OBSL1: variants seen among roughly 807,000 people sequenced by gnomAD.
OBSL1 encodes obscurin-like protein 1.
In OBSL1, 160 loss-of-function variants were observed where a neutral mutation model predicts 172.0. The observed-to-expected ratio is 0.93, with a 90% CI of 0.82 to 1.06. The LOEUF (loss-of-function observed/expected upper bound fraction) is 1.06. OBSL1 is among the 50% of genes least tolerant of loss of function. OBSL1 has a pLI of 0.00. For missense variants in OBSL1, 2,681 were observed against 2,715.4 expected (o/e 0.99, Z 0.28); for synonymous variants, 1,200 against 1,196.3 (o/e 1.00, Z -0.06).
chr2:219,554,731 A>C lies in OBSL1; in HGVS notation c.4619T>G (p.Leu1540Arg), dbSNP rs746157169. Reference sequence around the variant, plus strand: ...GTCCTCCAGAGGCCGCAGCACCCTCAGCTGCCTCGCTGGCCGGGGGAGATG... The same window carrying C: ...GTCCTCCAGAGGCCGCAGCACCCTCCGCTGCCTCGCTGGCCGGGGGAGATG... ...LARLSVRPRQLRVLRPLEDVT... is the reference protein window; with the variant it reads ...LARLSVRPRQRRVLRPLEDVT... Residue 1540 changes from leucine (L) to arginine (R), a missense_variant, in exon 15 of 21, where the codon CTG becomes CGG. Around this residue, in one of 5 missense-constraint regions of OBSL1, gnomAD observed 1,765 missense variants for 1,748.3 expected, o/e 1.01. Coordinates refer to ENST00000404537, the MANE Select transcript of OBSL1 (RefSeq NM_015311.3). The C allele has an allele frequency of 6.4e-7, 1 of 1,552,376 alleles. No homozygotes were observed. Among genetic ancestry groups the C allele is most frequent in the South Asian group, 1.2e-5 (1 of 84,714 alleles).
Position 219,562,378 on chromosome 2 carries a change from C to T in OBSL1, c.2953+24G>A, listed in dbSNP as rs868420814. On this transcript the variant is annotated intron_variant, in intron 8 of 20. Coordinates refer to ENST00000404537, the MANE Select transcript of OBSL1 (RefSeq NM_015311.3). Reference sequence around the variant, plus strand: ...GGGCTCAGGGCTGTCTCTGTGACCCCGGGGAGCTGGGCTGGGCCCACACCT... The same window carrying T: ...GGGCTCAGGGCTGTCTCTGTGACCCTGGGGAGCTGGGCTGGGCCCACACCT... 47 of 1,607,182 alleles carry T rather than the reference C, an allele frequency of 2.9e-5. No homozygotes were observed. The Middle Eastern group carries it at 5.0e-4, about 17-fold the overall frequency.
At chr2:219,562,987 G>A (rs879346369) in intron 7 of OBSL1, 4 of 486,472 alleles carry the variant, frequency 8.2e-6, no homozygotes, top group Non-Finnish European at 1.5e-5. Flanking sequence ...GATGAGAGGA[G>A]GGTTGGGGGG....
At chr2:219,566,807 C>A in intron 5 of OBSL1, 23 bp downstream of exon 5, 1 of 1,547,130 alleles carries the variant, frequency 6.5e-7, no homozygotes, top group South Asian at 1.2e-5. Context: ...TTTCTGCCCA[C>A]TCAGGTCCCC....
chr2:219,552,531 C>G lies in OBSL1; in HGVS notation c.5308+5G>C. Reference sequence around the variant, plus strand: ...GGGCCCGAAAGGGTAACCAGGCGGGCAGACCTTCCTGTCGGATGCGGACGC... The same window carrying G: ...GGGCCCGAAAGGGTAACCAGGCGGGGAGACCTTCCTGTCGGATGCGGACGC... On this transcript the variant is annotated splice_donor_5th_base_variant and intron_variant, in intron 18 of 20. Transcript: ENST00000404537. The G allele has an allele frequency of 6.3e-7, 1 of 1,594,822 alleles. No individual in the cohort carries two copies. Among genetic ancestry groups the G allele is most frequent in the Non-Finnish European group, 8.5e-7 (1 of 1,177,110 alleles).
chr2:219,566,920 T>A lies in OBSL1; in HGVS notation c.2044A>T (p.Ile682Phe). 1 of 1,612,832 alleles carries A rather than the reference T, an allele frequency of 6.2e-7. No homozygotes were observed. Among genetic ancestry groups the A allele is most frequent in the Non-Finnish European group, 8.5e-7 (1 of 1,179,022 alleles). Residue 682 changes from isoleucine (I) to phenylalanine (F), a missense_variant, in exon 5 of 21, where the codon ATC (isoleucine) becomes TTC (phenylalanine). Physicochemically the swap from Ile to Phe is conservative, Grantham distance 21. This residue lies in a region of OBSL1 where 1,765 missense variants were observed against 1,748.3 expected (regional missense o/e 1.01). Transcript: ENST00000404537. Reference sequence around the variant, plus strand: ...TCCTGGTGCTTGACGGCATGCAGGATGAGTCTGTGCTGCAGACCCTTCTGC... The same window carrying A: ...TCCTGGTGCTTGACGGCATGCAGGAAGAGTCTGTGCTGCAGACCCTTCTGC... ...IEQKGLQHRLILHAVKHQDSG... is the reference protein window; with the variant it reads ...IEQKGLQHRLFLHAVKHQDSG...
In OBSL1 at chr2:219,570,521, C is replaced by T; in HGVS notation, c.712G>A (p.Asp238Asn). ...QPPESPPADPDEAPAPVVEPL... is the reference protein window; with the variant it reads ...QPPESPPADPNEAPAPVVEPL... The stretch of plus-strand genomic sequence containing the variant: ...TCCACCACCGGCGCGGGGGCCTCGT[C>T]GGGGTCCGCGGGCGGGCTCTCGGGG... The change falls in exon 1 of 21, where the codon GAC becomes AAC. Residue 238 changes from aspartate (D) to asparagine (N), a missense_variant. Around this residue, in one of 5 missense-constraint regions of OBSL1, gnomAD observed 706 missense variants for 695.8 expected, o/e 1.01. Coordinates refer to ENST00000404537, the MANE Select transcript of OBSL1 (RefSeq NM_015311.3). The T allele has an allele frequency of 6.2e-7, 1 of 1,609,792 alleles. No individual in the cohort carries two copies. The highest frequency in any genetic ancestry group is 8.5e-7 in the Non-Finnish European group (1 of 1,178,552).
chr2:219,571,092 C>A lies in OBSL1; in HGVS notation c.141G>T (p.Lys47Asn). ...GEPPPVVVWE[K>N]GGQQLAASER... is the part of the protein sequence containing the mutation. ...CCGAGGCCGCCAGCTGCTGCCCGCC[C>A]TTCTCCCACACCACTACAGGCGGCG... Residue 47 changes from lysine (K) to asparagine (N), a missense_variant, in exon 1 of 21, where the codon AAG (lysine) becomes AAT (asparagine). Coordinates refer to ENST00000404537, the MANE Select transcript of OBSL1 (RefSeq NM_015311.3). 6.8e-7 allele frequency: 1 copy of A among 1,470,152 alleles called. No homozygotes were observed. The highest frequency in any genetic ancestry group is 1.3e-5 in the South Asian group (1 of 77,198). 91.1% of individuals were successfully genotyped at this position (1,470,152 alleles called of 1,614,324 possible). A position where few individuals can be genotyped will look rare whatever the true frequency, so the allele number is the denominator to read the frequency against.
chr2:219,556,429 T>C (rs761108335), intron 13 of OBSL1, 25 bp downstream of exon 13: 1 of 1,612,106 alleles, frequency 6.2e-7, no homozygotes. Flanking sequence ...GGACACAGAG[T>C]ATCTCATCCT....
intron 6 of OBSL1, among the ~76,000 whole-genome samples, chr2:219,564,961 G>T (rs11692887): frequency 6.6e-6 from 1 of 152,052 alleles, no homozygotes; most frequent in East Asian, 1.9e-4. Context: ...CAGCTACTTG[G>T]GAGGCTGAGG....
At chr2:219,554,887 A>G in intron 14 of OBSL1, 147 bp from the exon 15 acceptor site, 1 of 812,756 alleles carries the variant, frequency 1.2e-6, no homozygotes, top group Non-Finnish European at 1.9e-6. Context: ...GGGTGCAGGA[A>G]GAAAGGAGCA....
chr2:219,551,252 C>T, intron 20 of OBSL1: 1 of 1,396,594 alleles, frequency 7.2e-7, no homozygotes. Flanking sequence ...TCAAGAGAGA[C>T]AAACATGGTC....
chr2:219,553,334 C>T (rs1408727755), intron 16 of OBSL1, among the ~76,000 whole-genome samples: 1 of 152,206 alleles, frequency 6.6e-6, no homozygotes, highest in Non-Finnish European at 1.5e-5. Flanking sequence ...CGAATATGGG[C>T]TCTACCTGTT....
rs944863064 is a variant in OBSL1 at position 219,568,143 on chromosome 2, G to C, written c.1194C>G (p.Ile398Met). The change falls in exon 2 of 21, where the codon ATC becomes ATG. Residue 398 changes from isoleucine to methionine, a missense_variant. This residue lies in a region of OBSL1 where 706 missense variants were observed against 695.8 expected (regional missense o/e 1.01). Coordinates refer to ENST00000404537, the MANE Select transcript of OBSL1 (RefSeq NM_015311.3). The surrounding 1 kb of genome is among the most constrained non-coding windows in gnomAD (Gnocchi z 4.1). ...QIEEGTVRRL[I>M]IHRLKADDDG... Reference sequence around the variant, plus strand: ...CATCGTCTGCCTTCAGCCTGTGGATGATGAGGCGCCGGACAGTGCCCTCTT... The same window carrying C: ...CATCGTCTGCCTTCAGCCTGTGGATCATGAGGCGCCGGACAGTGCCCTCTT... 4 of 1,613,846 alleles carry C rather than the reference G, an allele frequency of 2.5e-6. No individual in the cohort carries two copies. Among genetic ancestry groups the C allele is most frequent in the South Asian group, 2.2e-5 (2 of 91,090 alleles).
Position 219,565,348 on chromosome 2 carries a change from A to G in OBSL1, c.2301T>C (p.Asp767=), listed in dbSNP as rs541408273. Residue 767 remains aspartate (D), a synonymous_variant, in exon 6 of 21, where the codon GAT becomes GAC. Coordinates refer to ENST00000404537, the MANE Select transcript of OBSL1 (RefSeq NM_015311.3). Reference sequence around the variant, plus strand: ...GCAGGATCAGACGGTGTTTGCGCCCATCCATCTTCACCACCAGCAACTCGC... The same window carrying G: ...GCAGGATCAGACGGTGTTTGCGCCCGTCCATCTTCACCACCAGCAACTCGC... ...EESELLVVKM[D]GRKHRLILPE... The G allele has an allele frequency of 1.9e-6, 3 of 1,614,004 alleles. No homozygotes were observed. The African/African-American group carries it at 4.0e-5, about 22-fold the overall frequency.
chr2:219,566,777 G>A, intron 5 of OBSL1, 53 bp downstream of exon 5: 1 of 1,496,522 alleles, frequency 6.7e-7, no homozygotes, highest in Non-Finnish European at 9.0e-7. Context: ...TTTGCCAACA[G>A]GACTTCTGTG....
chr2:219,552,524 A>C lies in OBSL1; in HGVS notation c.5308+12T>G, dbSNP rs377219196. 1.4e-4 allele frequency: 219 copies of C among 1,592,818 alleles called. 1 individual carries two copies. In the East Asian group the frequency reaches 3.3e-3, roughly 24 times the overall value. Reference sequence around the variant, plus strand: ...CAGCGAGGGGCCCGAAAGGGTAACCAGGCGGGCAGACCTTCCTGTCGGATG... The same window carrying C: ...CAGCGAGGGGCCCGAAAGGGTAACCCGGCGGGCAGACCTTCCTGTCGGATG... On this transcript the variant is annotated intron_variant, in intron 18 of 20. Coordinates refer to ENST00000404537, the MANE Select transcript of OBSL1 (RefSeq NM_015311.3).
rs1696803519 is a variant in OBSL1, at chr2:219,565,330, C to T, written c.2319G>A (p.Leu773=). ...VVKMDGRKHR[L]ILPEAKVQDS... is the part of the protein sequence containing the mutation. ...CCTGGACTTTGGCCTCAGGCAGGATCAGACGGTGTTTGCGCCCATCCATCT... is the reference window on the plus strand; with the variant it reads ...CCTGGACTTTGGCCTCAGGCAGGATTAGACGGTGTTTGCGCCCATCCATCT... Residue 773 remains leucine (L), a synonymous_variant, in exon 6 of 21, where the codon CTG becomes CTA. Coordinates refer to ENST00000404537, the MANE Select transcript of OBSL1 (RefSeq NM_015311.3). 6.2e-7 allele frequency: 1 copy of T among 1,613,946 alleles called. No homozygotes were observed. Among genetic ancestry groups the T allele is most frequent in the Admixed American group, 1.7e-5 (1 of 60,006 alleles).
At position 219,552,162 on chromosome 2, in the gene OBSL1, A is replaced by G; in HGVS notation, c.5363T>C (p.Val1788Ala). The change falls in exon 19 of 21, where the codon GTC becomes GCC. Residue 1788 changes from valine to alanine, a missense_variant. Around this residue, in one of 5 missense-constraint regions of OBSL1, gnomAD observed 1,765 missense variants for 1,748.3 expected, o/e 1.01. Transcript: ENST00000404537. ...SELRAEDAGE[V>A]RFQAGPAQSL... is the part of the protein sequence containing the mutation. ...CTGGGCGGGCCCCGCCTGGAAGCGGACTTCACCGGCGTCCTCGGCGCGCAG... is the reference window on the plus strand; with the variant it reads ...CTGGGCGGGCCCCGCCTGGAAGCGGGCTTCACCGGCGTCCTCGGCGCGCAG... The G allele has an allele frequency of 6.2e-7, 1 of 1,611,772 alleles. No homozygotes were observed. Among genetic ancestry groups the G allele is most frequent in the Non-Finnish European group, 8.5e-7 (1 of 1,179,332 alleles).
At chr2:219,547,523 G>A, downstream of OBSL1, 1 of 1,445,534 alleles carries the variant, frequency 6.9e-7, no homozygotes, top group South Asian at 1.6e-5. Context: ...CTGCTTCAAG[G>A]CAGTGCTCTT....
Sources: gnomAD v4.1 joint callset for allele counts (sites outside exome capture counted in the v4.1 genomes callset) on GRCh38, gnomAD v4.1.1 for gene constraint, gnomAD v4.1.1 regional missense constraint, Gnocchi (gnomAD v3.1) non-coding constraint, MANE v1.5 for transcripts, NCBI Gene and HGNC (gene_info 2026-07-23, HGNC 2026-07-21) for gene names.